Variants in POLN observed in about 807,000 individuals in gnomAD.
POLN encodes DNA polymerase N.
Under a neutral mutation model 113.5 loss-of-function variants are expected in POLN, and 108 were observed. That is an observed-to-expected ratio of 0.95 (90% CI 0.81 to 1.12). The LOEUF is 1.12. POLN is among the 50% of genes most tolerant of loss of function. The pLI is 0.00. For missense variants in POLN, 1,097 were observed against 1,077.1 expected, an observed-to-expected ratio of 1.02 and a Z score of -0.26; for synonymous variants, 386 against 391.5, an observed-to-expected ratio of 0.99 and a Z score of 0.17.
chr4:2,184,504 G>C (rs918009179), intron 7 of POLN, among the ~76,000 whole-genome samples: 2 of 152,074 alleles, frequency 1.3e-5, no homozygotes, highest in African/African-American at 4.8e-5. Context: ...ATAAGGTTAA[G>C]TAAAAACCCT....
intron 2 of POLN, chr4:2,232,165 A>T (rs775989021): frequency 7.5e-7 from 1 of 1,338,698 alleles, no homozygotes; most frequent in Non-Finnish European, 1.0e-6. Context: ...TAACTCCTAA[A>T]AAAGGAAAAT....
intron 6 of POLN, among the ~76,000 whole-genome samples, chr4:2,194,819 C>T (rs1733535391): frequency 6.6e-6 from 1 of 151,968 alleles, no homozygotes; most frequent in Non-Finnish European, 1.5e-5. Context: ...ATCACTTGAG[C>T]CTGGGAGGTT....
chr4:2,139,266 A>T (rs1198750226), intron 16 of POLN, among the ~76,000 whole-genome samples: 1 of 152,158 alleles, frequency 6.6e-6, no homozygotes, highest in Non-Finnish European at 1.5e-5. Flanking sequence ...GGCTGGCCGG[A>T]GCTTGGGGCC....
In POLN at chr4:2,173,973, C is replaced by A; in HGVS notation, c.1356G>T (p.Lys452Asn). The change falls in exon 11 of 26, where the codon AAG (lysine) becomes AAT (asparagine). Residue 452 changes from lysine (K) to asparagine (N), a missense_variant. Physicochemically the swap from Lys to Asn is moderately conservative, Grantham distance 94. Coordinates refer to ENST00000511885, the MANE Select transcript of POLN (RefSeq NM_181808.4). ...AACTTACCCCAAGAAGTGCTGACGT[C>A]TTCTCCATCTCCTCTTTGTTCACCT... ...AIQVNKEEME[K>N]TSALLGARLK... The A allele has an allele frequency of 6.2e-7, 1 of 1,613,312 alleles. No homozygotes were observed. The highest frequency in any genetic ancestry group is 1.6e-4 in the Middle Eastern group (1 of 6,062).
At chr4:2,154,380 A>C (rs2108738912) in intron 16 of POLN, among the ~76,000 whole-genome samples, 1 of 152,242 alleles carries the variant, frequency 6.6e-6, no homozygotes, top group East Asian at 1.9e-4. Flanking sequence ...CCTCCAGAGA[A>C]ATGGGCAAAT....
chr4:2,073,109 GC>G, intron 24 of POLN, 80 bp from the exon 25 acceptor site: 1 of 1,415,566 alleles, frequency 7.1e-7, no homozygotes. Flanking sequence ...GAACTTTCAG[GC>G]CCGAGTCCTG....
intron 16 of POLN, among the ~76,000 whole-genome samples, chr4:2,136,810 A>G (rs909395690): frequency 2.6e-5 from 4 of 152,218 alleles, no homozygotes; most frequent in African/African-American, 7.2e-5. Context: ...GGTGGTGGAA[A>G]TAAGGAAAAG....
chr4:2,115,180 C>G (rs1731285243), intron 19 of POLN, among the ~76,000 whole-genome samples: 1 of 149,386 alleles, frequency 6.7e-6, no homozygotes, highest in Non-Finnish European at 1.5e-5. Context: ...TCCCCAGTAG[C>G]TGGGATTACA....
chr4:2,156,297 C>A, intron 16 of POLN: 1 of 354,334 alleles, frequency 2.8e-6, no homozygotes, highest in Non-Finnish European at 5.6e-6. Context: ...TTTTTTAGTT[C>A]AAAATACAGA....
chr4:2,090,245 G>GTTCCAGAAC, intron 20 of POLN: 2 of 799,596 alleles, frequency 2.5e-6, no homozygotes, highest in East Asian at 2.4e-5. Flanking sequence ...AATTCTACAT[G>GTTCCAGAAC]CTATCTTGTT....
intron 19 of POLN, among the ~76,000 whole-genome samples, chr4:2,122,824 C>T (rs376945061): frequency 1.4e-4 from 22 of 152,228 alleles, no homozygotes; most frequent in East Asian, 5.8e-4. Context: ...CCTAGGTATA[C>T]ACTCAGGAGA....
chr4:2,229,040 T>G (rs1734483783), intron 3 of POLN, 59 bp downstream of exon 3: 1 of 1,492,064 alleles, frequency 6.7e-7, no homozygotes, highest in Admixed American at 2.0e-5. Context: ...ATTCTTAGTC[T>G]TTAGAACAAT....
chr4:2,181,848 A>C (rs1733150530), intron 7 of POLN, among the ~76,000 whole-genome samples: 1 of 152,038 alleles, frequency 6.6e-6, no homozygotes, highest in South Asian at 2.1e-4. Flanking sequence ...AAAATACAAA[A>C]AATTAGCTGG....
intron 2 of POLN, chr4:2,234,395 G>C (rs2108777044): frequency 6.6e-6 from 1 of 152,590 alleles, no homozygotes; most frequent in South Asian, 2.1e-4. Context: ...TGCTAAAGGG[G>C]GTGATGTCTC....
intron 19 of POLN, among the ~76,000 whole-genome samples, chr4:2,096,872 T>C (rs1039098897): frequency 1.3e-5 from 2 of 152,172 alleles, no homozygotes; most frequent in African/African-American, 4.8e-5. Flanking sequence ...GCACTGAGCA[T>C]AGAGACCAGC....
rs773283983 is a variant in POLN, at chr4:2,171,142, C to A, written c.1414G>T (p.Ala472Ser). 29 of 1,613,730 alleles carry A rather than the reference C, an allele frequency of 1.8e-5. No homozygotes were observed. Among genetic ancestry groups the A allele is most frequent in the Non-Finnish European group, 2.5e-5 (29 of 1,179,898 alleles). ...CTCGTTATAAGAAACCGTTCTCCTG[C>A]AACAAAATGAGCTTCTTGCTCCAAT... ...KELEQEAHFV[A>S]GERFLITSNN... Residue 472 changes from alanine to serine, a missense_variant, in exon 12 of 26, where the codon GCA becomes TCA. Coordinates refer to ENST00000511885, the MANE Select transcript of POLN (RefSeq NM_181808.4).
intron 16 of POLN, among the ~76,000 whole-genome samples, chr4:2,145,494 G>C (rs1166654232): frequency 6.6e-6 from 1 of 152,004 alleles, no homozygotes; most frequent in African/African-American, 2.4e-5. Context: ...ATGGGCAAAA[G>C]AAATAAACAA....
At chr4:2,207,785 A>T (rs1189931952) in intron 5 of POLN, among the ~76,000 whole-genome samples, 1 of 152,222 alleles carries the variant, frequency 6.6e-6, no homozygotes, top group Non-Finnish European at 1.5e-5. Context: ...GGTGGAAGGT[A>T]AAATGGTACA....
chr4:2,208,150 T>C lies in POLN; in HGVS notation c.551A>G (p.Tyr184Cys), dbSNP rs1333489813. Residue 184 changes from tyrosine to cysteine, a missense_variant, in exon 5 of 26, where the codon TAC (tyrosine) becomes TGC (cysteine). By Grantham distance (194) the Tyr-to-Cys change is radical. Coordinates refer to ENST00000511885, the MANE Select transcript of POLN (RefSeq NM_181808.4). The part of the protein sequence containing the change: ...LEEDTDDAEG[Y>C]LNSGNSGALK... Reference sequence around the variant, plus strand: ...TGCTCCTGAGTTCCCAGAATTTAGGTAGCCTTCGGCGTCATCAGTATCTTC... The same window carrying C: ...TGCTCCTGAGTTCCCAGAATTTAGGCAGCCTTCGGCGTCATCAGTATCTTC... 6.2e-7 allele frequency: 1 copy of C among 1,614,204 alleles called. No homozygotes were observed. Among genetic ancestry groups the C allele is most frequent in the East Asian group, 2.2e-5 (1 of 44,884 alleles).
Sources: gnomAD v4.1 joint callset for allele counts (sites outside exome capture counted in the v4.1 genomes callset) on GRCh38, gnomAD v4.1.1 for gene constraint, MANE v1.5 for transcripts, NCBI Gene and HGNC (gene_info 2026-07-23, HGNC 2026-07-21) for gene names.